Variants in LRP8 observed in about 807,000 individuals in gnomAD.
LRP8 encodes low-density lipoprotein receptor-related protein 8.
A neutral mutation model predicts 111.6 loss-of-function variants in LRP8; 46 were observed. The observed-to-expected ratio is 0.41, with a 90% CI of 0.33 to 0.53. The LOEUF is 0.53. Among genes scored for constraint, LRP8 ranks in the 20% least tolerant of loss-of-function variants. The pLI is 0.20. For synonymous variants in LRP8, 464 were observed against 511.2 expected (o/e 0.91, Z 1.24); for missense variants, 959 against 1,297.4 (o/e 0.74, Z 4.01).
chr1:53,288,689 C>G (rs6685032), intron 3 of LRP8, among the ~76,000 whole-genome samples: 112,516 of 151,922 alleles, frequency 0.74, 43,092 homozygotes, highest in East Asian at 0.93. Context: ...TACCCCTAAA[C>G]AGGGGCTCCT....
chr1:53,263,967 C>T (rs188129255), intron 10 of LRP8, among the ~76,000 whole-genome samples: 100 of 152,266 alleles, frequency 6.6e-4, no homozygotes, highest in Non-Finnish European at 1.1e-3. Context: ...TACGATATAA[C>T]GAGTGGGTGG....
intron 2 of LRP8, among the ~76,000 whole-genome samples, chr1:53,306,713 C>T (rs1270182852): frequency 6.6e-6 from 1 of 152,178 alleles, no homozygotes; most frequent in African/African-American, 2.4e-5. Flanking sequence ...GTCTGCAAGG[C>T]TGGGAGGGCA....
At chr1:53,306,512 G>A (rs758103474) in intron 2 of LRP8, among the ~76,000 whole-genome samples, 21 of 152,342 alleles carry the variant, frequency 1.4e-4, no homozygotes, top group Middle Eastern at 3.4e-3. Flanking sequence ...TCTACCCCCC[G>A]AGCTGCTGCG....
At chr1:53,290,218 C>G (rs957204322) in intron 2 of LRP8, among the ~76,000 whole-genome samples, 6 of 151,998 alleles carry the variant, frequency 3.9e-5, no homozygotes, top group Non-Finnish European at 8.8e-5. Context: ...GGCAAGACAC[C>G]CAAATCAGTC....
chr1:53,312,074 A>C (rs956999462), intron 2 of LRP8, among the ~76,000 whole-genome samples: 11 of 152,224 alleles, frequency 7.2e-5, no homozygotes, highest in African/African-American at 2.7e-4. Flanking sequence ...ACACAGACAG[A>C]CAGCCACATG....
At chr1:53,296,936 T>C (rs1205475682) in intron 2 of LRP8, among the ~76,000 whole-genome samples, 2 of 152,130 alleles carry the variant, frequency 1.3e-5, no homozygotes, top group Admixed American at 1.3e-4. Flanking sequence ...TAAGACAGAT[T>C]AAAATGGAGC....
chr1:53,313,283 G>A (rs773389815), intron 2 of LRP8, among the ~76,000 whole-genome samples: 12 of 152,176 alleles, frequency 7.9e-5, no homozygotes, highest in Non-Finnish European at 7.3e-5. Context: ...TTGGAGCTGG[G>A]ACCCAAAGGC....
chr1:53,326,767 C>G, intron 2 of LRP8, 106 bp downstream of exon 2: 3 of 1,488,858 alleles, frequency 2.0e-6, no homozygotes, highest in Non-Finnish European at 2.7e-6. Context: ...CGGCAAGTCC[C>G]GCGCAGGTGG....
intron 2 of LRP8, among the ~76,000 whole-genome samples, chr1:53,320,251 CA>C (rs1654329597): frequency 6.6e-6 from 1 of 152,210 alleles, no homozygotes; most frequent in Non-Finnish European, 1.5e-5. Flanking sequence ...GTCAGGAGCC[CA>C]AAGCCCTTCG....
chr1:53,300,081 C>T (rs1166325084), intron 2 of LRP8, among the ~76,000 whole-genome samples: 2 of 152,212 alleles, frequency 1.3e-5, no homozygotes, highest in African/African-American at 4.8e-5. Flanking sequence ...TGCCTGCTGG[C>T]TTCCCATCTC....
At position 53,249,384 on chromosome 1, in the gene LRP8, G is replaced by A; in HGVS notation, c.2849C>T (p.Ser950Phe). The A allele has an allele frequency of 6.2e-7, 1 of 1,613,952 alleles. No individual in the cohort carries two copies. Among genetic ancestry groups the A allele is most frequent in the African/African-American group, 1.3e-5 (1 of 75,038 alleles). Residue 950 changes from serine (S) to phenylalanine (F), a missense_variant, in exon 18 of 19, where the codon TCC becomes TTC. Physicochemically the swap from Ser to Phe is radical, Grantham distance 155. Around this residue, in one of 3 missense-constraint regions of LRP8, gnomAD observed 819 missense variants for 1,097.6 expected, o/e 0.75. Coordinates refer to ENST00000306052, the MANE Select transcript of LRP8 (RefSeq NM_004631.5). This position sits in a 1 kb window ranked among gnomAD's most constrained non-coding sequence, Gnocchi z 4.1. ...CTTAGAGTGGCACTGCCCTACCTTG[G>A]ATTTGACGACAGGCAGCTCGGAAAG... Reference protein sequence around the residue: ...NPLSELPVVKSKRVALSLEDD... With the variant: ...NPLSELPVVKFKRVALSLEDD...
intron 2 of LRP8, among the ~76,000 whole-genome samples, chr1:53,313,792 A>G (rs1277228453): frequency 6.6e-6 from 1 of 152,182 alleles, no homozygotes; most frequent in Non-Finnish European, 1.5e-5. Flanking sequence ...TCTGAATGTC[A>G]GTTAAGAAGA....
At position 53,266,001 on chromosome 1, in the gene LRP8, A is replaced by C. The variant is rs553439893; in HGVS notation, c.1427+472T>G. ...GATGCCATCCAGGAAGGCATGCCAG[A>C]TCAGATGCCCAGGTGGGTTCGGAGG... On this transcript the variant is annotated intron_variant, in intron 9 of 18. Coordinates refer to ENST00000306052, the MANE Select transcript of LRP8 (RefSeq NM_004631.5). The surrounding 1 kb of genome is among the most constrained non-coding windows in gnomAD (Gnocchi z 5.0). Among the ~76,000 whole-genome samples the C allele has an allele frequency of 2.0e-5, 3 of 152,312 alleles. No homozygotes were observed. Among genetic ancestry groups the C allele is most frequent in the African/African-American group, 2.4e-5 (1 of 41,570 alleles).
Position 53,246,901 on chromosome 1 carries a change from C to A in LRP8, c.*117G>T. ...ACATAAATTTAAAAAAAAAATCACA[C>A]ACACACATACACTCACACAGACCCA... On this transcript the variant is annotated 3_prime_UTR_variant, in exon 19 of 19. Transcript: ENST00000306052. 1.2e-6 allele frequency: 1 copy of A among 854,742 alleles called. No individual in the cohort carries two copies. The highest frequency in any genetic ancestry group is 1.8e-5 in the South Asian group (1 of 56,410). 52.9% of individuals were successfully genotyped at this position (854,742 alleles called of 1,614,324 possible).
intron 8 of LRP8, 103 bp downstream of exon 8, chr1:53,270,922 CCTT>C: frequency 2.0e-6 from 3 of 1,522,872 alleles, no homozygotes; most frequent in East Asian, 2.3e-5. Flanking sequence ...ACACAACCTG[CCTT>C]CTTGTGTGTG....
rs1557762728 is a variant in LRP8 at position 53,262,087 on chromosome 1, A to G, written c.1895T>C (p.Phe632Ser). 1.2e-6 allele frequency: 2 copies of G among 1,614,164 alleles called. No individual in the cohort carries two copies. The highest frequency in any genetic ancestry group is 4.5e-5 in the East Asian group (2 of 44,882). ...ISSTDFLSHP[F>S]GIAVFEDKVF... The stretch of plus-strand genomic sequence containing the variant: ...ACTCACCTCAAACACAGCTATCCCA[A>G]AAGGGTGGCTCAGGAAGTCAGTGGA... The change falls in exon 12 of 19, where the codon TTT becomes TCT. Residue 632 changes from phenylalanine (F) to serine (S), a missense_variant. By Grantham distance (155) the Phe-to-Ser change is radical. Coordinates refer to ENST00000306052, the MANE Select transcript of LRP8 (RefSeq NM_004631.5). This position sits in a 1 kb window ranked among gnomAD's most constrained non-coding sequence, Gnocchi z 4.8.
intron 6 of LRP8, chr1:53,274,774 C>G (rs998376420): frequency 4.4e-6 from 2 of 456,222 alleles, no homozygotes; most frequent in Non-Finnish European, 8.8e-6. Context: ...CGTCCACGCG[C>G]TTGCCACTCT....
intron 2 of LRP8, among the ~76,000 whole-genome samples, chr1:53,306,823 C>T (rs1288490): frequency 0.042 from 6,456 of 152,272 alleles, 364 homozygotes; most frequent in Admixed American, 0.16. Flanking sequence ...TATTGTGATG[C>T]CATCTCTGGG....
At chr1:53,286,666 G>A (rs1647604222) in intron 3 of LRP8, among the ~76,000 whole-genome samples, 1 of 152,250 alleles carries the variant, frequency 6.6e-6, no homozygotes, top group African/African-American at 2.4e-5. Context: ...GGGAAACAGA[G>A]CTGGGAGAAA....
Sources: allele counts gnomAD v4.1 joint callset (sites outside exome capture counted in the v4.1 genomes callset), GRCh38; gene constraint gnomAD v4.1.1; regional missense constraint gnomAD v4.1.1; non-coding constraint Gnocchi (gnomAD v3.1); transcripts MANE v1.5; gene names NCBI Gene and HGNC (gene_info 2026-07-23, HGNC 2026-07-21).